Variants in MCOLN3 observed in about 807,000 individuals in gnomAD.
MCOLN3 encodes the protein mucolipin TRP cation channel 3.
In MCOLN3, 62 loss-of-function variants were observed where a neutral mutation model predicts 69.4. That is an observed-to-expected ratio of 0.89 (90% CI 0.73 to 1.10). The LOEUF (loss-of-function observed/expected upper bound fraction) is 1.10. Ranked by LOEUF, MCOLN3 falls within the 50% of genes least tolerant of loss-of-function variation. The pLI is 0.00. For synonymous variants in MCOLN3, 183 were observed against 217.0 expected, an observed-to-expected ratio of 0.84 and a Z score of 1.38; for missense variants, 564 against 656.4, an observed-to-expected ratio of 0.86 and a Z score of 1.54.
chr1:85,044,841 C>T (rs949123367), intron 2 of MCOLN3, among the ~76,000 whole-genome samples: 2 of 152,260 alleles, frequency 1.3e-5, no homozygotes, highest in South Asian at 4.1e-4. Flanking sequence ...TAGAAACCAG[C>T]TGAACCTCTT....
intron 9 of MCOLN3, chr1:85,022,824 T>C (rs1262275121): frequency 1.1e-5 from 2 of 179,216 alleles, no homozygotes; most frequent in Non-Finnish European, 2.3e-5. Flanking sequence ...GGATATTGCA[T>C]CTGGCTGGAG....
chr1:85,041,587 C>T (rs1653065605), intron 2 of MCOLN3, among the ~76,000 whole-genome samples: 1 of 152,048 alleles, frequency 6.6e-6, no homozygotes, highest in African/African-American at 2.4e-5. Flanking sequence ...GCTTACTATA[C>T]AGCCGGGCGT....
intron 7 of MCOLN3, 90 bp downstream of exon 7, chr1:85,029,016 G>A (rs2102925003): frequency 1.3e-6 from 1 of 797,860 alleles, no homozygotes; most frequent in Middle Eastern, 3.2e-4. Flanking sequence ...TCTTCTATTT[G>A]TTGTTCTAGA....
At chr1:85,033,568 TAAG>T (rs1652645567) in intron 4 of MCOLN3, among the ~76,000 whole-genome samples, 1 of 152,206 alleles carries the variant, frequency 6.6e-6, no homozygotes, top group Non-Finnish European at 1.5e-5. Flanking sequence ...AGAACTTTGC[TAAG>T]AAGAATACGC....
intron 7 of MCOLN3, 62 bp downstream of exon 7, chr1:85,029,044 T>C: frequency 8.9e-7 from 1 of 1,126,090 alleles, no homozygotes; most frequent in Non-Finnish European, 1.3e-6. Flanking sequence ...AGGGTGCTAT[T>C]TTAATAACCA....
Position 85,018,840 on chromosome 1 carries a change from G to C in MCOLN3, c.*283C>G. The C allele has an allele frequency of 3.4e-6, 1 of 297,338 alleles. No homozygotes were observed. The highest frequency in any genetic ancestry group is 6.2e-6 in the Non-Finnish European group (1 of 160,220). 18.4% of individuals were successfully genotyped at this position (297,338 alleles called of 1,614,324 possible). On this transcript the variant is annotated 3_prime_UTR_variant, in exon 13 of 13. Coordinates refer to ENST00000370589, the MANE Select transcript of MCOLN3 (RefSeq NM_018298.11). ...GGAGCAACAGTATCAGAGCAAAAGAGAGGCATACAGAATACATTCTAAAGC... is the reference window on the plus strand; with the variant it reads ...GGAGCAACAGTATCAGAGCAAAAGACAGGCATACAGAATACATTCTAAAGC...
In MCOLN3 at chr1:85,018,472, C is replaced by T. The variant is rs1651767647; in HGVS notation, c.*651G>A. On this transcript the variant is annotated 3_prime_UTR_variant, in exon 13 of 13. Coordinates refer to ENST00000370589, the MANE Select transcript of MCOLN3 (RefSeq NM_018298.11). The stretch of plus-strand genomic sequence containing the variant: ...AGCCTAGGTGTGTAGTAGGCTATAC[C>T]ATCTAGGTTTGTGGAAGTACATGCT... 1 of 152,246 alleles carries T rather than the reference C, an allele frequency of 6.6e-6. No homozygotes were observed. Among genetic ancestry groups the T allele is most frequent in the African/African-American group, 2.4e-5 (1 of 41,414 alleles). 9.4% of individuals were successfully genotyped at this position (152,246 alleles called of 1,614,324 possible). A position where few individuals can be genotyped will look rare whatever the true frequency, so the allele number is the denominator to read the frequency against.
chr1:85,019,501 G>A (rs1354265432), intron 12 of MCOLN3, among the ~76,000 whole-genome samples: 1 of 152,126 alleles, frequency 6.6e-6, no homozygotes. Context: ...AACCCAAATG[G>A]GCACACTGAG....
chr1:85,029,234 A>T (rs761409584), intron 6 of MCOLN3, 29 bp from the exon 7 acceptor site: 1 of 1,409,236 alleles, frequency 7.1e-7, no homozygotes, highest in South Asian at 1.2e-5. Context: ...AGTCAAAAAC[A>T]TACTTATAGT....
In MCOLN3 at chr1:85,045,215, G is replaced by A. The variant is rs201349914; in HGVS notation, c.146C>T (p.Pro49Leu). The A allele has an allele frequency of 7.4e-6, 12 of 1,613,784 alleles. No individual in the cohort carries two copies. The highest frequency in any genetic ancestry group is 1.0e-5 in the Non-Finnish European group (12 of 1,179,980). The change falls in exon 2 of 13, where the codon CCC (proline) becomes CTC (leucine). Residue 49 changes from proline to leucine, a missense_variant. Pro to Leu is a moderately conservative substitution (Grantham distance 98). Coordinates refer to ENST00000370589, the MANE Select transcript of MCOLN3 (RefSeq NM_018298.11). ...RRKLKFFFMN[P>L]CEKFWARGRK... ...ACCTCGAGCCCAGAACTTCTCACAG[G>A]GATTCATGAAAAAAAATTTGAGTTT...
intron 3 of MCOLN3, chr1:85,036,713 AC>A (rs1652821251): frequency 6.6e-6 from 1 of 151,718 alleles, no homozygotes; most frequent in Admixed American, 6.6e-5. Context: ...AACATACCAA[AC>A]GCTTTCCAGC....
intron 4 of MCOLN3, 94 bp downstream of exon 4, chr1:85,034,004 A>C: frequency 7.4e-7 from 1 of 1,346,948 alleles, no homozygotes; most frequent in Non-Finnish European, 1.0e-6. Context: ...CTAATATCAC[A>C]GACCAAATCA....
chr1:85,045,420 AC>A lies in MCOLN3; in HGVS notation c.-2-59del, dbSNP rs1480930814. 26 of 1,360,768 alleles carry A rather than the reference AC, an allele frequency of 1.9e-5. No individual in the cohort carries two copies. The Admixed American group carries it at 4.9e-4, about 26-fold the overall frequency. The allele number at this position is 1,360,768 out of a possible 1,614,324, so 84.3% of individuals were successfully genotyped here. A position where few individuals can be genotyped will look rare whatever the true frequency, so the allele number is the denominator to read the frequency against. Reference sequence around the variant, plus strand: ...ACATTTCCATTTAGTGAGTAAAGACACAAGTCCATATTCTTTAATATTGCAA... The same window carrying A: ...ACATTTCCATTTAGTGAGTAAAGACAAAGTCCATATTCTTTAATATTGCAA... On this transcript the variant is annotated intron_variant, in intron 1 of 12. Coordinates refer to ENST00000370589, the MANE Select transcript of MCOLN3 (RefSeq NM_018298.11).
intron 7 of MCOLN3, among the ~76,000 whole-genome samples, chr1:85,026,944 G>C (rs973321887): frequency 1.3e-5 from 2 of 151,440 alleles, no homozygotes; most frequent in Non-Finnish European, 2.9e-5. Flanking sequence ...TGTAGAGACA[G>C]GGTTTCACTT....
chr1:85,028,667 T>C (rs930811267), intron 7 of MCOLN3, among the ~76,000 whole-genome samples: 2 of 152,238 alleles, frequency 1.3e-5, no homozygotes, highest in Non-Finnish European at 2.9e-5. Flanking sequence ...TGTGGGATGC[T>C]GCAGGGTCAC....
At chr1:85,028,958 T>G (rs1652365391) in intron 7 of MCOLN3, 148 bp downstream of exon 7, 1 of 584,500 alleles carries the variant, frequency 1.7e-6, no homozygotes, top group Non-Finnish European at 3.0e-6. Flanking sequence ...GCCTGAAACA[T>G]CAGAGTTGAT....
In MCOLN3 at chr1:85,025,923, T is replaced by G. The variant is rs201828020; in HGVS notation, c.1095+16A>C. On this transcript the variant is annotated intron_variant, in intron 9 of 12. Coordinates refer to ENST00000370589, the MANE Select transcript of MCOLN3 (RefSeq NM_018298.11). ...AAATCTGACACTAACAATAGCATGATTAGGAAAAAAATTACCTTAGCTTGG... is the reference window on the plus strand; with the variant it reads ...AAATCTGACACTAACAATAGCATGAGTAGGAAAAAAATTACCTTAGCTTGG... The G allele has an allele frequency of 2.3e-5, 36 of 1,584,054 alleles. No individual in the cohort carries two copies. The highest frequency in any genetic ancestry group is 2.9e-5 in the Non-Finnish European group (34 of 1,165,220).
intron 3 of MCOLN3, among the ~76,000 whole-genome samples, chr1:85,037,755 T>C (rs182386341): frequency 3.9e-5 from 6 of 152,162 alleles, no homozygotes; most frequent in African/African-American, 1.4e-4. Flanking sequence ...AGAAATGTGG[T>C]ATGAGATGAT....
intron 3 of MCOLN3, among the ~76,000 whole-genome samples, chr1:85,037,309 A>T (rs1652847322): frequency 1.3e-5 from 2 of 152,264 alleles, no homozygotes; most frequent in South Asian, 4.1e-4. Flanking sequence ...GTGTGCCTAG[A>T]ACATATGATG....
Sources: allele counts gnomAD v4.1 joint callset (sites outside exome capture counted in the v4.1 genomes callset), GRCh38; gene constraint gnomAD v4.1.1; transcripts MANE v1.5; gene names NCBI Gene and HGNC (gene_info 2026-07-23, HGNC 2026-07-21).